LRRTM2: variants seen among roughly 807,000 people sequenced by gnomAD.
LRRTM2 encodes the protein leucine-rich repeat transmembrane neuronal protein 2.
In LRRTM2, 14 loss-of-function variants were observed where a neutral mutation model predicts 40.7. The observed-to-expected ratio is 0.34, with a 90% confidence interval of 0.23 to 0.54. The LOEUF is 0.54. Ranked by LOEUF, LRRTM2 falls within the 20% of genes least tolerant of loss-of-function variation. LRRTM2 has a pLI of 0.92. For synonymous variants in LRRTM2, 223 were observed against 237.6 expected, an observed-to-expected ratio of 0.94 and a Z score of 0.57; for missense variants, 468 against 624.4, an observed-to-expected ratio of 0.75 and a Z score of 2.67.
Position 138,871,304 on chromosome 5 carries a change from C to T in LRRTM2, c.*1706G>A, listed in dbSNP as rs1157517335. ...CAGTAAATGGCAGTTGTAAAAAATG[C>T]TCATTTTCTAAAATCAAGTTAGTGC... On this transcript the variant is annotated 3_prime_UTR_variant, in exon 2 of 2. Transcript: ENST00000274711. 1 of 152,116 alleles carries T rather than the reference C, an allele frequency of 6.6e-6. No individual in the cohort carries two copies. Among genetic ancestry groups the T allele is most frequent in the Non-Finnish European group, 1.5e-5 (1 of 68,014 alleles). 9.4% of individuals were successfully genotyped at this position (152,116 alleles called of 1,614,324 possible).
rs568630126 is a variant in LRRTM2 at position 138,871,192 on chromosome 5, A to C, written c.*1818T>G. 9 of 152,322 alleles carry C rather than the reference A, an allele frequency of 5.9e-5. No homozygotes were observed. The East Asian group carries it at 1.3e-3, about 23-fold the overall frequency. 9.4% of individuals were successfully genotyped at this position (152,322 alleles called of 1,614,324 possible). A position where few individuals can be genotyped will look rare whatever the true frequency, so the allele number is the denominator to read the frequency against. ...AGAAAAAATATGCCCTGAATGAAGG[A>C]TATCATGTTGATGTTGATGTTGGGG... On this transcript the variant is annotated 3_prime_UTR_variant, in exon 2 of 2. Transcript: ENST00000274711.
chr5:138,873,187 G>A lies in LRRTM2; in HGVS notation c.1374C>T (p.Cys458=), dbSNP rs1750853297. The A allele has an allele frequency of 1.2e-6, 2 of 1,613,974 alleles. No individual in the cohort carries two copies. The highest frequency in any genetic ancestry group is 1.7e-6 in the Non-Finnish European group (2 of 1,179,868). The change falls in exon 2 of 2, where the codon TGC becomes TGT. Residue 458 remains cysteine, a synonymous_variant. Coordinates refer to ENST00000274711, the MANE Select transcript of LRRTM2 (RefSeq NM_015564.3). This position sits in a 1 kb window ranked among gnomAD's most constrained non-coding sequence, Gnocchi z 6.1. ...CPPTLRRIRQ[C]SMVQNHRQLR... is the part of the protein sequence containing the mutation. ...GCTGCCTGTGGTTCTGAACCATTGA[G>A]CACTGCCTAATTCTTCTTAAAGTGG...
chr5:138,871,926 G>C lies in LRRTM2; in HGVS notation c.*1084C>G, dbSNP rs1750681279. On this transcript the variant is annotated 3_prime_UTR_variant, in exon 2 of 2. Transcript: ENST00000274711. ...GTTGCTAGCCAATTATTTTTAACTT[G>C]GCTCTTTGAGGTTTGAAGATCAGGA... 6.6e-6 allele frequency: 1 copy of C among 151,802 alleles called. No individual in the cohort carries two copies. The highest frequency in any genetic ancestry group is 1.5e-5 in the Non-Finnish European group (1 of 67,978). 9.4% of individuals were successfully genotyped at this position (151,802 alleles called of 1,614,324 possible).
chr5:138,873,117 C>A lies in LRRTM2; in HGVS notation c.1444G>T (p.Gly482Ter). 1 of 1,613,924 alleles carries A rather than the reference C, an allele frequency of 6.2e-7. No individual in the cohort carries two copies. The highest frequency in any genetic ancestry group is 8.5e-7 in the Non-Finnish European group (1 of 1,179,890). Residue 482 changes from glycine (G) to a stop codon, truncating the protein, a stop_gained, in exon 2 of 2, where the codon GGA becomes TGA. Transcript: ENST00000274711. LOFTEE classifies it high-confidence loss of function. This position sits in a 1 kb window ranked among gnomAD's most constrained non-coding sequence, Gnocchi z 6.1. ...RLHMSNMSDQ[G>*]PYNEYEPTHE... ...GTGGGTTCATATTCATTATACGGTC[C>A]TTGGTCTGACATGTTTGACATATGG...
In LRRTM2 at chr5:138,873,278, A is replaced by G. The variant is rs1453850452; in HGVS notation, c.1283T>C (p.Met428Thr). ...IFTQRVITGT[M>T]ALLFSFFFII... ...AAAAAAGAAAGAAAACAATAAAGCC[A>G]TTGTTCCCGTAATTACCCGCTGAGT... The change falls in exon 2 of 2, where the codon ATG becomes ACG. Residue 428 changes from methionine to threonine, a missense_variant. Met to Thr is a moderately conservative substitution (Grantham distance 81). Coordinates refer to ENST00000274711, the MANE Select transcript of LRRTM2 (RefSeq NM_015564.3). The surrounding 1 kb of genome is among the most constrained non-coding windows in gnomAD (Gnocchi z 6.1). The G allele has an allele frequency of 1.9e-6, 3 of 1,614,000 alleles. No homozygotes were observed. The highest frequency in any genetic ancestry group is 1.1e-5 in the South Asian group (1 of 91,086).
At position 138,869,684 on chromosome 5, in the gene LRRTM2, A is replaced by G. The variant is rs1340357864; in HGVS notation, c.*3326T>C. On this transcript the variant is annotated 3_prime_UTR_variant, in exon 2 of 2. Transcript: ENST00000274711. ...CATAGGGCTCATTTTTATTGGAAAG[A>G]TGGAGTCTAGCTCTTGGTGACTAGC... 6.6e-6 allele frequency: 1 copy of G among 152,604 alleles called. No individual in the cohort carries two copies. Among genetic ancestry groups the G allele is most frequent in the Non-Finnish European group, 1.5e-5 (1 of 68,042 alleles). 9.5% of individuals were successfully genotyped at this position (152,604 alleles called of 1,614,324 possible). A position where few individuals can be genotyped will look rare whatever the true frequency, so the allele number is the denominator to read the frequency against.
Position 138,874,790 on chromosome 5 carries a change from TA to T in LRRTM2, c.4+117del. ...GTCATCATCGATATATGCTTTTACC[TA>T]AACCTCAAAATCCAAAATATGATGG... On this transcript the variant is annotated intron_variant, in intron 1 of 1. Coordinates refer to ENST00000274711, the MANE Select transcript of LRRTM2 (RefSeq NM_015564.3). This position sits in a 1 kb window ranked among gnomAD's most constrained non-coding sequence, Gnocchi z 4.1. 9.5e-7 allele frequency: 1 copy of T among 1,058,146 alleles called. No homozygotes were observed. The highest frequency in any genetic ancestry group is 1.4e-6 in the Non-Finnish European group (1 of 706,222). 65.5% of individuals were successfully genotyped at this position (1,058,146 alleles called of 1,614,324 possible).
chr5:138,871,242 T>C lies in LRRTM2; in HGVS notation c.*1768A>G, dbSNP rs1423900094. The C allele has an allele frequency of 6.6e-6, 1 of 152,208 alleles. No individual in the cohort carries two copies. Among genetic ancestry groups the C allele is most frequent in the African/African-American group, 2.4e-5 (1 of 41,454 alleles). 9.4% of individuals were successfully genotyped at this position (152,208 alleles called of 1,614,324 possible). On this transcript the variant is annotated 3_prime_UTR_variant, in exon 2 of 2. Coordinates refer to ENST00000274711, the MANE Select transcript of LRRTM2 (RefSeq NM_015564.3). The stretch of plus-strand genomic sequence containing the variant: ...GAAAAGATAACTTGAAAAATGGTAG[T>C]GGCTTTCTCTAAGGTTTTATGTCTT...
chr5:138,874,761 C>T lies in LRRTM2; in HGVS notation c.4+147G>A, dbSNP rs1185815767. 3.8e-6 allele frequency: 3 copies of T among 794,284 alleles called. No homozygotes were observed. The highest frequency in any genetic ancestry group is 6.1e-6 in the Non-Finnish European group (3 of 495,622). 49.2% of individuals were successfully genotyped at this position (794,284 alleles called of 1,614,324 possible). The stretch of plus-strand genomic sequence containing the variant: ...CATTTAAAAAGAAGATAAAACATGT[C>T]TCTGTCATCATCGATATATGCTTTT... On this transcript the variant is annotated intron_variant, in intron 1 of 1. Transcript: ENST00000274711. This position sits in a 1 kb window ranked among gnomAD's most constrained non-coding sequence, Gnocchi z 4.1.
At position 138,874,979 on chromosome 5, in the gene LRRTM2, G is replaced by A; in HGVS notation, c.-68C>T. 6.4e-7 allele frequency: 1 copy of A among 1,563,890 alleles called. No individual in the cohort carries two copies. The highest frequency in any genetic ancestry group is 8.8e-7 in the Non-Finnish European group (1 of 1,139,020). On this transcript the variant is annotated 5_prime_UTR_variant, in exon 1 of 2. Transcript: ENST00000274711. This position sits in a 1 kb window ranked among gnomAD's most constrained non-coding sequence, Gnocchi z 4.1. ...GACTCAACGCAGTGAGTCTGTAAAA[G>A]GCTCTAACATGTAGGAGCCTTTGAC...
chr5:138,870,246 T>C lies in LRRTM2; in HGVS notation c.*2764A>G, dbSNP rs1386988086. On this transcript the variant is annotated 3_prime_UTR_variant, in exon 2 of 2. Coordinates refer to ENST00000274711, the MANE Select transcript of LRRTM2 (RefSeq NM_015564.3). ...AGTTGGTAAAGAAAGCACAGATGAC[T>C]AACAGTCTAATCTTCAAACCTGTGC... 1 of 152,222 alleles carries C rather than the reference T, an allele frequency of 6.6e-6. No individual in the cohort carries two copies. The highest frequency in any genetic ancestry group is 1.5e-5 in the Non-Finnish European group (1 of 68,042). 9.4% of individuals were successfully genotyped at this position (152,222 alleles called of 1,614,324 possible).
Position 138,872,888 on chromosome 5 carries a change from G to A in LRRTM2, c.*122C>T, listed in dbSNP as rs1020214984. The A allele has an allele frequency of 8.1e-6, 5 of 615,006 alleles. No homozygotes were observed. Among genetic ancestry groups the A allele is most frequent in the Non-Finnish European group, 1.3e-5 (5 of 371,712 alleles). 38.1% of individuals were successfully genotyped at this position (615,006 alleles called of 1,614,324 possible). A position where few individuals can be genotyped will look rare whatever the true frequency, so the allele number is the denominator to read the frequency against. ...AATACTTCAACACTTCAAAAACTAA[G>A]TCTCCACTTAGTTTGGAAAATTAGG... On this transcript the variant is annotated 3_prime_UTR_variant, in exon 2 of 2. Coordinates refer to ENST00000274711, the MANE Select transcript of LRRTM2 (RefSeq NM_015564.3).
In LRRTM2 at chr5:138,874,072, A is replaced by G. The variant is rs771654152; in HGVS notation, c.489T>C (p.His163=). Residue 163 remains histidine, a synonymous_variant, in exon 2 of 2, where the codon CAT becomes CAC. Coordinates refer to ENST00000274711, the MANE Select transcript of LRRTM2 (RefSeq NM_015564.3). The surrounding 1 kb of genome is among the most constrained non-coding windows in gnomAD (Gnocchi z 4.1). ...FYGLRKLQTL[H]LRSNSLRTIP... ...TAGTCCGCAGGGAGTTGGAACGTAA[A>G]TGCAAGGTCTGCAGCTTCCGAAGGC... The G allele has an allele frequency of 5.0e-6, 8 of 1,613,938 alleles. No homozygotes were observed. The highest frequency in any genetic ancestry group is 5.9e-6 in the Non-Finnish European group (7 of 1,179,862).
At position 138,870,666 on chromosome 5, in the gene LRRTM2, AC is replaced by A. The variant is rs1234900428; in HGVS notation, c.*2343del. ...TTTGTGGTTTGAAATGATGGAAAAT[AC>A]TCCTCTGCTGTCCTTCAGGGCTGAT... On this transcript the variant is annotated 3_prime_UTR_variant, in exon 2 of 2. Transcript: ENST00000274711. 1.3e-5 allele frequency: 2 copies of A among 151,876 alleles called. No homozygotes were observed. The highest frequency in any genetic ancestry group is 4.8e-5 in the African/African-American group (2 of 41,314). The allele number at this position is 151,876 out of a possible 1,614,324, so 9.4% of individuals were successfully genotyped here. A position where few individuals can be genotyped will look rare whatever the true frequency, so the allele number is the denominator to read the frequency against.
chr5:138,872,103 T>C lies in LRRTM2; in HGVS notation c.*907A>G, dbSNP rs1329921394. The C allele has an allele frequency of 6.6e-6, 1 of 151,712 alleles. No homozygotes were observed. The highest frequency in any genetic ancestry group is 1.5e-5 in the Non-Finnish European group (1 of 67,950). 9.4% of individuals were successfully genotyped at this position (151,712 alleles called of 1,614,324 possible). A position where few individuals can be genotyped will look rare whatever the true frequency, so the allele number is the denominator to read the frequency against. On this transcript the variant is annotated 3_prime_UTR_variant, in exon 2 of 2. Transcript: ENST00000274711. The stretch of plus-strand genomic sequence containing the variant: ...ATTGGAGGGAGCATGTCAGGATTGT[T>C]AAATTGACTCAGTTTGTCTTGTTTA...
rs562960503 is a variant in LRRTM2, at chr5:138,873,938, C to T, written c.623G>A (p.Arg208Lys). ...RNGFAGLIKL[R>K]ELHLEHNQLT... is the part of the protein sequence containing the mutation. ...CTGGTTGTGCTCTAGGTGAAGCTCT[C>T]TCAGTTTAATTAATCCTGCAAATCC... The change falls in exon 2 of 2, where the codon AGA (arginine) becomes AAA (lysine). Residue 208 changes from arginine to lysine, a missense_variant. Arg to Lys is a conservative substitution (Grantham distance 26). Coordinates refer to ENST00000274711, the MANE Select transcript of LRRTM2 (RefSeq NM_015564.3). This position sits in a 1 kb window ranked among gnomAD's most constrained non-coding sequence, Gnocchi z 6.1. 3.5e-5 allele frequency: 57 copies of T among 1,614,010 alleles called. No homozygotes were observed. In the East Asian group the frequency reaches 1.2e-3, roughly 35 times the overall value.
Position 138,874,423 on chromosome 5 carries a change from G to A in LRRTM2, c.138C>T (p.Tyr46=). The part of the protein sequence containing the change: ...PKCRCEKLLF[Y]CDSQGFHSVP... ...CTGAGTGGAAGCCCTGAGAGTCGCA[G>A]TAGAAGAGCAGCTTCTCGCAGCGGC... is the stretch of plus-strand genomic sequence containing the variant. The change falls in exon 2 of 2, where the codon TAC becomes TAT. Residue 46 remains tyrosine, a synonymous_variant. Coordinates refer to ENST00000274711, the MANE Select transcript of LRRTM2 (RefSeq NM_015564.3). The surrounding 1 kb of genome is among the most constrained non-coding windows in gnomAD (Gnocchi z 4.1). 6.2e-7 allele frequency: 1 copy of A among 1,613,972 alleles called. No individual in the cohort carries two copies. Among genetic ancestry groups the A allele is most frequent in the Non-Finnish European group, 8.5e-7 (1 of 1,179,882 alleles).
rs1765165178 is a variant in LRRTM2 at position 138,869,752 on chromosome 5, A to G, written c.*3258T>C. Reference sequence around the variant, plus strand: ...GATTTTAATAATTAGTGGCGTTGGGAAGTTCAGTCAATTCCATTTATTGAA... The same window carrying G: ...GATTTTAATAATTAGTGGCGTTGGGGAGTTCAGTCAATTCCATTTATTGAA... On this transcript the variant is annotated 3_prime_UTR_variant, in exon 2 of 2. Coordinates refer to ENST00000274711, the MANE Select transcript of LRRTM2 (RefSeq NM_015564.3). The G allele has an allele frequency of 6.6e-6, 1 of 152,628 alleles. No homozygotes were observed. Among genetic ancestry groups the G allele is most frequent in the African/African-American group, 2.4e-5 (1 of 41,448 alleles). The allele number at this position is 152,628 out of a possible 1,614,324, so 9.5% of individuals were successfully genotyped here. A position where few individuals can be genotyped will look rare whatever the true frequency, so the allele number is the denominator to read the frequency against.
In LRRTM2 at chr5:138,874,923, C is replaced by T. The variant is rs1232199525; in HGVS notation, c.-12G>A. On this transcript the variant is annotated 5_prime_UTR_variant, in exon 1 of 2. It adds an upstream start codon to the 5' untranslated region. Coordinates refer to ENST00000274711, the MANE Select transcript of LRRTM2 (RefSeq NM_015564.3). This position sits in a 1 kb window ranked among gnomAD's most constrained non-coding sequence, Gnocchi z 4.1. ...ACAGACTTACCCATTCTTCTGAGCA[C>T]ATTGGAGGCTGCATTCAGTCGCGGT... 6.2e-7 allele frequency: 1 copy of T among 1,613,544 alleles called. No homozygotes were observed. The highest frequency in any genetic ancestry group is 8.5e-7 in the Non-Finnish European group (1 of 1,179,766).
Sources: allele counts gnomAD v4.1 joint callset, GRCh38; gene constraint gnomAD v4.1.1; non-coding constraint Gnocchi (gnomAD v3.1); transcripts MANE v1.5; gene names NCBI Gene and HGNC (gene_info 2026-07-23, HGNC 2026-07-21).